Variants in TTN observed in about 807,000 individuals in gnomAD.
The protein encoded by TTN is connectin.
A neutral mutation model predicts 3,223.0 loss-of-function variants in TTN; 1,525 were observed. That is an observed-to-expected ratio of 0.47 (90% confidence interval 0.45 to 0.49). The LOEUF is 0.49. Ranked by LOEUF, TTN falls within the 20% of genes least tolerant of loss-of-function variation. TTN has a pLI of 0.00. For synonymous variants in TTN, 14,094 were observed against 15,161.0 expected, an observed-to-expected ratio of 0.93 and a Z score of 5.17; for missense variants, 40,786 against 43,424.0, an observed-to-expected ratio of 0.94 and a Z score of 5.40.
rs760340908 is a variant in TTN, at chr2:178,715,655, C to G, written c.25759G>C (p.Glu8587Gln). The change falls in exon 89 of 363, where the codon GAG (glutamate) becomes CAG (glutamine). Residue 8587 changes from glutamate (E) to glutamine (Q), a missense_variant. Physicochemically the swap from Glu to Gln is conservative, Grantham distance 29. Coordinates refer to ENST00000589042, the MANE Select transcript of TTN (RefSeq NM_001267550.2). Reference sequence around the variant, plus strand: ...TTACTGCTCTCTTGAATTTCAGTCTCGTCCTTATACCATAAAACTTTGATT... The same window carrying G: ...TTACTGCTCTCTTGAATTTCAGTCTGGTCCTTATACCATAAAACTTTGATT... ...PEIKVLWYKD[E>Q]TEIQESSKFR... is the part of the protein sequence containing the mutation. The G allele has an allele frequency of 6.2e-7, 1 of 1,613,146 alleles. No individual in the cohort carries two copies. The highest frequency in any genetic ancestry group is 1.3e-5 in the African/African-American group (1 of 74,894).
chr2:178,781,053 C>T lies in TTN; in HGVS notation c.3523+68G>A, dbSNP rs537261816. 293 of 1,606,430 alleles carry T rather than the reference C, an allele frequency of 1.8e-4. No individual in the cohort carries two copies. The African/African-American group carries it at 3.1e-3, about 17-fold the overall frequency. On this transcript the variant is annotated intron_variant, in intron 21 of 362. Coordinates refer to ENST00000589042, the MANE Select transcript of TTN (RefSeq NM_001267550.2). ...AAGTGGCAACAGGTTTTTCAGCAAA[C>T]GGACAGCACTGCTATCTCCTTGTAT...
In TTN at chr2:178,723,400, G is replaced by GAATCC. The variant is rs2078774203; in HGVS notation, c.21682+13_21682+17dup. ...TCGGTATACAGAAAACAGAAAAAGT[G>GAATCC]AATCCACTTGAGCAAACCTTTCACA... On this transcript the variant is annotated intron_variant, in intron 74 of 362. Transcript: ENST00000589042. 1 of 1,605,292 alleles carries GAATCC rather than the reference G, an allele frequency of 6.2e-7. No homozygotes were observed. Among genetic ancestry groups the GAATCC allele is most frequent in the African/African-American group, 1.3e-5 (1 of 74,540 alleles).
chr2:178,688,790 TGTTAAA>T lies in TTN; in HGVS notation c.32096-18_32096-13del, dbSNP rs780846395. ...CTTAGAGACTTCAGCTTTAAGAAAG[TGTTAAA>T]GTTGAAGTTTAAAATCAAGAATTTT... On this transcript the variant is annotated splice_polypyrimidine_tract_variant and intron_variant, in intron 125 of 362. Coordinates refer to ENST00000589042, the MANE Select transcript of TTN (RefSeq NM_001267550.2). 10 of 1,579,364 alleles carry T rather than the reference TGTTAAA, an allele frequency of 6.3e-6. No individual in the cohort carries two copies. The highest frequency in any genetic ancestry group is 1.1e-5 in the South Asian group (1 of 89,632).
chr2:178,791,664 T>A (rs993087466), intron 10 of TTN, among the ~76,000 whole-genome samples: 13 of 34,930 alleles, frequency 3.7e-4, no homozygotes, highest in Non-Finnish European at 5.9e-4. Context: ...TATGTGTATA[T>A]GTGTGTGTGT....
At chr2:178,553,437 CA>C in intron 334 of TTN, 41 bp from the exon 335 acceptor site, 1 of 1,565,886 alleles carries the variant, frequency 6.4e-7, no homozygotes, top group Non-Finnish European at 8.6e-7. Flanking sequence ...ATTTTAAAAG[CA>C]AAAAAGAGTG....
Position 178,584,353 on chromosome 2 carries a change from C to A in TTN, c.65198G>T (p.Arg21733Ile). 2.5e-6 allele frequency: 4 copies of A among 1,612,834 alleles called. No homozygotes were observed. The highest frequency in any genetic ancestry group is 2.5e-6 in the Non-Finnish European group (3 of 1,179,150). Reference protein sequence around the residue: ...GLVEGLEYSFRIYALNKAGSS... With the variant: ...GLVEGLEYSFIIYALNKAGSS... ...TCCAGCTTTGTTTAGGGCATAGATT[C>A]TGAATGAATACTCAAGACCTTCTAC... is the stretch of plus-strand genomic sequence containing the variant. The change falls in exon 311 of 363, where the codon AGA becomes ATA. Residue 21733 changes from arginine to isoleucine, a missense_variant. Transcript: ENST00000589042.
At chr2:178,698,936 A>G (rs776857225) in intron 111 of TTN, 22 bp from the exon 112 acceptor site, 4 of 1,489,376 alleles carry the variant, frequency 2.7e-6, no homozygotes, top group Admixed American at 2.6e-5. Context: ...AAAAAAGAAA[A>G]AAAAAGAAAA....
chr2:178,582,268 A>G (rs2047947717), intron 314 of TTN, 28 bp downstream of exon 314: 1 of 1,575,840 alleles, frequency 6.3e-7, no homozygotes. Flanking sequence ...AAAAAATAAA[A>G]TGAAAAACCA....
chr2:178,542,653 C>T lies in TTN; in HGVS notation c.97192+9G>A. The T allele has an allele frequency of 6.2e-7, 1 of 1,607,654 alleles. No homozygotes were observed. The highest frequency in any genetic ancestry group is 1.1e-5 in the South Asian group (1 of 90,774). ...TCAACTTGCTTGTATCTTTGTCACA[C>T]ATCCTTACCAAGAATGATAACTTTA... On this transcript the variant is annotated intron_variant, in intron 348 of 362. Transcript: ENST00000589042.
Position 178,576,535 on chromosome 2 carries a change from C to G in TTN, c.69709G>C (p.Ala23237Pro), listed in dbSNP as rs747464430. ...EASDSVLMKDAAYPPGPPSNP... is the reference protein window; with the variant it reads ...EASDSVLMKDPAYPPGPPSNP... ...GAAAAAGACAAATACTAACATGCTG[C>G]ATCTTTCATCAGAACAGAATCTGAA... Residue 23237 changes from alanine (A) to proline (P), a missense_variant, in exon 325 of 363, where the codon GCA (alanine) becomes CCA (proline). Ala to Pro is a conservative substitution (Grantham distance 27). Transcript: ENST00000589042. This position sits in a 1 kb window ranked among gnomAD's most constrained non-coding sequence, Gnocchi z 4.3. The G allele has an allele frequency of 6.2e-7, 1 of 1,612,658 alleles. No homozygotes were observed. Among genetic ancestry groups the G allele is most frequent in the South Asian group, 1.1e-5 (1 of 90,672 alleles).
Position 178,527,011 on chromosome 2 carries a change from C to G in TTN, c.*1G>C, listed in dbSNP as rs1192756689. ...TGTAGAGTATAAGGGCACAGGCCCT[C>G]TTAAATGGATCGAATATGTATATTC... is the stretch of plus-strand genomic sequence containing the variant. On this transcript the variant is annotated 3_prime_UTR_variant, in exon 363 of 363. Transcript: ENST00000589042. 4 of 1,609,178 alleles carry G rather than the reference C, an allele frequency of 2.5e-6. No individual in the cohort carries two copies. Among genetic ancestry groups the G allele is most frequent in the Non-Finnish European group, 3.4e-6 (4 of 1,176,790 alleles).
At chr2:178,774,132 A>G (rs1371200358) in intron 30 of TTN, 22 bp from the exon 31 acceptor site, 2 of 1,614,100 alleles carry the variant, frequency 1.2e-6, no homozygotes, top group Admixed American at 1.7e-5. Flanking sequence ...GGGGAGAAAA[A>G]GAATGTTATG....
Position 178,571,774 on chromosome 2 carries a change from A to G in TTN, c.74358T>C (p.Tyr24786=), listed in dbSNP as rs763961889. 4 of 1,613,460 alleles carry G rather than the reference A, an allele frequency of 2.5e-6. No individual in the cohort carries two copies. In the South Asian group the frequency reaches 3.3e-5, roughly 13 times the overall value. ...CAGCTGAGTTAGTCAGTTTAACCAC[A>G]TAATGGCCAACATCTTCTCGGCAGG... is the stretch of plus-strand genomic sequence containing the variant. ...KDACREDVGH[Y]VVKLTNSAGE... The change falls in exon 326 of 363, where the codon TAT becomes TAC. Residue 24786 remains tyrosine, a synonymous_variant. Coordinates refer to ENST00000589042, the MANE Select transcript of TTN (RefSeq NM_001267550.2).
chr2:178,697,965 C>A (rs1208754672), intron 112 of TTN, among the ~76,000 whole-genome samples: 1 of 152,072 alleles, frequency 6.6e-6, no homozygotes, highest in Non-Finnish European at 1.5e-5. Flanking sequence ...GCATTATTCA[C>A]AAAGACCAAG....
Position 178,622,012 on chromosome 2 carries a change from T to C in TTN, c.44914-4A>G, listed in dbSNP as rs951006192. The C allele has an allele frequency of 6.3e-7, 1 of 1,595,970 alleles. No individual in the cohort carries two copies. Among genetic ancestry groups the C allele is most frequent in the Middle Eastern group, 1.7e-4 (1 of 6,014 alleles). On this transcript the variant is annotated splice_region_variant and splice_polypyrimidine_tract_variant and intron_variant, in intron 243 of 362. Coordinates refer to ENST00000589042, the MANE Select transcript of TTN (RefSeq NM_001267550.2). Reference sequence around the variant, plus strand: ...CACCATCTTTAAACCACTTAACCTATATTTAAGATAAATAGATTATCAGTT... The same window carrying C: ...CACCATCTTTAAACCACTTAACCTACATTTAAGATAAATAGATTATCAGTT...
At position 178,736,092 on chromosome 2, in the gene TTN, C is replaced by T; in HGVS notation, c.14372-18G>A. 1 of 1,537,342 alleles carries T rather than the reference C, an allele frequency of 6.5e-7. No homozygotes were observed. Among genetic ancestry groups the T allele is most frequent in the Admixed American group, 2.1e-5 (1 of 47,282 alleles). ...ATATGCCTCTGCAAAAGAAATTTTT[C>T]CAGCATTACATTTAGTCCCCACCAA... On this transcript the variant is annotated intron_variant, in intron 49 of 362. Coordinates refer to ENST00000589042, the MANE Select transcript of TTN (RefSeq NM_001267550.2).
chr2:178,764,956 AT>A, intron 41 of TTN, 145 bp from the exon 42 acceptor site: 1 of 829,858 alleles, frequency 1.2e-6, no homozygotes, highest in Non-Finnish European at 1.9e-6. Context: ...GCCTCAGAAT[AT>A]TAGAACATTC....
In TTN at chr2:178,777,877, C is replaced by T. The variant is rs1421000149; in HGVS notation, c.4307G>A (p.Arg1436Lys). ...CTCCAGCCTACGTCCAGGGGACATT[C>T]TTGCAGGGGACATCCGTGCAGGAGA... ...RMSPARMSPA[R>K]MSPGRRLEET... The change falls in exon 25 of 363, where the codon AGA becomes AAA. Residue 1436 changes from arginine to lysine, a missense_variant. Arg to Lys is a conservative substitution (Grantham distance 26). Coordinates refer to ENST00000589042, the MANE Select transcript of TTN (RefSeq NM_001267550.2). 6.2e-7 allele frequency: 1 copy of T among 1,614,034 alleles called. No homozygotes were observed. The highest frequency in any genetic ancestry group is 8.5e-7 in the Non-Finnish European group (1 of 1,179,940).
At position 178,775,021 on chromosome 2, in the gene TTN, G is replaced by A. The variant is rs755122338; in HGVS notation, c.6690C>T (p.Phe2230=). The A allele has an allele frequency of 6.2e-6, 10 of 1,613,992 alleles. No individual in the cohort carries two copies. The highest frequency in any genetic ancestry group is 7.6e-6 in the Non-Finnish European group (9 of 1,179,944). Residue 2230 remains phenylalanine, a synonymous_variant, in exon 29 of 363, where the codon TTC becomes TTT. Coordinates refer to ENST00000589042, the MANE Select transcript of TTN (RefSeq NM_001267550.2). ...ACGTATCAATGGTCAGTATGGAGAG[G>A]AAGTGAACCTTTCTGTCAGAGTGCA... is the stretch of plus-strand genomic sequence containing the variant. ...YRMHSDRKVH[F]LSILTIDTSD...
Sources: gnomAD v4.1 joint callset for allele counts (sites outside exome capture counted in the v4.1 genomes callset) on GRCh38, gnomAD v4.1.1 for gene constraint, Gnocchi (gnomAD v3.1) non-coding constraint, MANE v1.5 for transcripts, NCBI Gene and HGNC (gene_info 2026-07-23, HGNC 2026-07-21) for gene names.